The following PPFIBP2 variants were observed in gnomAD, a reference collection of about 807,000 sequenced individuals.
PPFIBP2 encodes liprin-beta-2.
PPFIBP2 carries 118 observed loss-of-function variants against 118.3 expected under a neutral mutation model. The observed-to-expected ratio is 1.00, with a 90% CI of 0.86 to 1.16. PPFIBP2 has a LOEUF of 1.16. Ranked by LOEUF, PPFIBP2 falls within the 50% of genes most tolerant of loss-of-function variation. The pLI is 0.00. For missense variants in PPFIBP2, 1,195 were observed against 1,073.1 expected (o/e 1.11, Z -1.59); for synonymous variants, 414 against 397.4 (o/e 1.04, Z -0.50).
chr11:7,565,314 G>C (rs1184790519), intron 2 of PPFIBP2, among the ~76,000 whole-genome samples: 1 of 152,208 alleles, frequency 6.6e-6, no homozygotes, highest in African/African-American at 2.4e-5. Context: ...AGGCTGGAGA[G>C]TAGTGACTAT....
At chr11:7,643,969 C>T (rs949392733) in intron 17 of PPFIBP2, among the ~76,000 whole-genome samples, 2 of 152,086 alleles carry the variant, frequency 1.3e-5, no homozygotes, top group Non-Finnish European at 2.9e-5. Flanking sequence ...CCTATTACAC[C>T]CACATCCTTG....
Position 7,594,810 on chromosome 11 carries a change from G to A in PPFIBP2, c.372+1586G>A, listed in dbSNP as rs145274795. On this transcript the variant is annotated intron_variant, in intron 4 of 23. Transcript: ENST00000299492. ...TGGGTGCCTGTAATCCCAGCTACTC[G>A]GAAGGCTGACGTAGGAGAATTGATT... Among the ~76,000 whole-genome samples, 210 of 151,990 alleles carry A rather than the reference G, an allele frequency of 1.4e-3. 1 individual carries two copies. Among genetic ancestry groups the A allele is most frequent in the African/African-American group, 4.4e-3 (184 of 41,410 alleles).
intron 1 of PPFIBP2, among the ~76,000 whole-genome samples, chr11:7,549,169 T>C (rs1852666926): frequency 6.6e-6 from 1 of 152,164 alleles, no homozygotes; most frequent in Admixed American, 6.5e-5. Context: ...GGTGAGGTGT[T>C]AACAATTGCC....
intron 3 of PPFIBP2, among the ~76,000 whole-genome samples, 167 bp from the exon 4 acceptor site, chr11:7,592,965 T>C (rs1242880189): frequency 6.6e-6 from 1 of 152,256 alleles, no homozygotes; most frequent in Non-Finnish European, 1.5e-5. Context: ...CTGGTTCTCC[T>C]CATGGTAGTT....
intron 14 of PPFIBP2, among the ~76,000 whole-genome samples, chr11:7,637,098 C>T (rs1851549873): frequency 6.6e-6 from 1 of 152,248 alleles, no homozygotes; most frequent in African/African-American, 2.4e-5. Context: ...CTACTCCTGA[C>T]AGCTCTGGAA....
At chr11:7,655,543 G>T (rs1164895697), downstream of PPFIBP2, 10 of 1,272,286 alleles carry the variant, frequency 7.9e-6, no homozygotes, top group Admixed American at 2.3e-4. Context: ...GTGCCAGGGA[G>T]GCCCAGTGAG....
At chr11:7,664,488 C>T in the PPFIBP2 span, among the ~76,000 whole-genome samples, 4 of 152,196 alleles carry the variant, frequency 2.6e-5, no homozygotes, top group Admixed American at 1.3e-4. Context: ...TCTCTACCCT[C>T]TAAATGCTAA....
chr11:7,587,638 A>T (rs1858446546), intron 3 of PPFIBP2, among the ~76,000 whole-genome samples: 2 of 152,208 alleles, frequency 1.3e-5, no homozygotes, highest in South Asian at 4.1e-4. Context: ...TTCTGTGCAC[A>T]CTGGGTTCAT....
At chr11:7,623,735 C>T (rs79739424) in intron 7 of PPFIBP2, among the ~76,000 whole-genome samples, 1,621 of 152,314 alleles carry the variant, frequency 0.011, 32 homozygotes, top group African/African-American at 0.037. Context: ...GACGAGTGCC[C>T]ATCCTGTCCA....
chr11:7,538,202 CCTT>C (rs1851407152), intron 1 of PPFIBP2: 2 of 152,356 alleles, frequency 1.3e-5, no homozygotes, highest in Non-Finnish European at 2.9e-5. Context: ...CTGCGCTCCT[CCTT>C]GTGGGCTGGG....
intron 5 of PPFIBP2, among the ~76,000 whole-genome samples, chr11:7,607,206 G>A (rs1462700292): frequency 2.2e-5 from 3 of 138,356 alleles, no homozygotes; most frequent in Non-Finnish European, 4.6e-5. Context: ...CACCGCGCCC[G>A]GCCTTTTTTT....
intron 17 of PPFIBP2, among the ~76,000 whole-genome samples, chr11:7,643,958 G>A (rs771214034): frequency 7.2e-5 from 11 of 152,070 alleles, no homozygotes; most frequent in African/African-American, 2.4e-5. Context: ...GACAGAGTGC[G>A]CCTATTACAC....
At chr11:7,651,545 T>G in intron 22 of PPFIBP2, 111 bp from the exon 23 acceptor site, 1 of 934,252 alleles carries the variant, frequency 1.1e-6, no homozygotes, top group Non-Finnish European at 1.6e-6. Flanking sequence ...ACTGAGCTCC[T>G]GTCCCTCCTC....
chr11:7,613,687 A>T (rs1429117717), intron 6 of PPFIBP2, among the ~76,000 whole-genome samples: 1 of 152,220 alleles, frequency 6.6e-6, no homozygotes, highest in Admixed American at 6.5e-5. Flanking sequence ...AGATCAAAGC[A>T]TTGCAAAGGC....
chr11:7,582,974 G>A (rs1448569212), intron 3 of PPFIBP2, among the ~76,000 whole-genome samples: 1 of 152,016 alleles, frequency 6.6e-6, no homozygotes, highest in Non-Finnish European at 1.5e-5. Flanking sequence ...AATTCTCAGG[G>A]AAAAAACAAA....
At chr11:7,621,519 G>A (rs1398930818) in intron 7 of PPFIBP2, among the ~76,000 whole-genome samples, 1 of 152,120 alleles carries the variant, frequency 6.6e-6, no homozygotes, top group Admixed American at 6.5e-5. Flanking sequence ...TTAAACTAGG[G>A]AGCCTGCAAT....
chr11:7,556,772 G>T (rs1361043070), intron 2 of PPFIBP2, among the ~76,000 whole-genome samples: 2 of 152,188 alleles, frequency 1.3e-5, no homozygotes, highest in Non-Finnish European at 2.9e-5. Context: ...TTGTAGGTTG[G>T]TCACTATCCA....
intron 4 of PPFIBP2, among the ~76,000 whole-genome samples, chr11:7,594,066 G>A (rs1232963085): frequency 1.3e-5 from 2 of 152,170 alleles, no homozygotes; most frequent in Admixed American, 6.5e-5. Context: ...GTTGAGCGGG[G>A]CCTGGAACCC....
intron 16 of PPFIBP2, 100 bp downstream of exon 16, chr11:7,641,720 A>C: frequency 8.4e-7 from 1 of 1,192,072 alleles, no homozygotes; most frequent in South Asian, 1.5e-5. Flanking sequence ...ACACTGAAAC[A>C]GCAGTCAAAA....
Sources: allele counts gnomAD v4.1 joint callset (sites outside exome capture counted in the v4.1 genomes callset), GRCh38; gene constraint gnomAD v4.1.1; transcripts MANE v1.5; gene names NCBI Gene and HGNC (gene_info 2026-07-23, HGNC 2026-07-21).